Variants in JCAD observed in about 807,000 individuals in gnomAD.
JCAD encodes the protein junctional cadherin 5-associated protein.
Under a neutral mutation model 98.0 loss-of-function variants are expected in JCAD, and 40 were observed. That is an observed-to-expected ratio of 0.41 (90% CI 0.32 to 0.53). JCAD has a LOEUF of 0.53. JCAD is among the 20% of genes least tolerant of loss of function. The pLI, the probability that JCAD is intolerant of heterozygous loss-of-function variation, is 0.31. For synonymous variants in JCAD, 691 were observed against 682.3 expected (o/e 1.01, Z -0.20); for missense variants, 1,705 against 1,738.1 (o/e 0.98, Z 0.34).
At chr10:30,048,903 A>C (rs1837411989) in intron 1 of JCAD, among the ~76,000 whole-genome samples, 1 of 152,124 alleles carries the variant, frequency 6.6e-6, no homozygotes, top group African/African-American at 2.4e-5. Flanking sequence ...ATTTCTTCCC[A>C]GTAGATCTTG....
At chr10:30,104,608 C>T (rs1838534987) in intron 1 of JCAD, among the ~76,000 whole-genome samples, 1 of 152,168 alleles carries the variant, frequency 6.6e-6, no homozygotes, top group Non-Finnish European at 1.5e-5. Context: ...TGAACAGCTA[C>T]CTGTTGGGTA....
Position 30,077,929 on chromosome 10 carries a change from G to T in JCAD, n.129-8108C>A, listed in dbSNP as rs1838008248. ...TTCAGTTCTTTGGGCTATATACCTA[G>T]AAGTAGAATGGCTGGATCATATGCC... is the stretch of plus-strand genomic sequence containing the variant. On this transcript the variant is annotated intron_variant and non_coding_transcript_variant, in intron 1 of 2. Transcript: ENST00000465712. Among the ~76,000 whole-genome samples the T allele has an allele frequency of 2.0e-5, 3 of 152,192 alleles. No individual in the cohort carries two copies. The South Asian group carries it at 6.2e-4, about 32-fold the overall frequency.
chr10:30,069,201 G>A (rs543509424), intron 2 of JCAD, among the ~76,000 whole-genome samples: 35 of 152,174 alleles, frequency 2.3e-4, no homozygotes, highest in Non-Finnish European at 3.7e-4. Flanking sequence ...GGAAATGGTC[G>A]CTTCGGCTCA....
chr10:30,074,187 C>T (rs767735540), intron 1 of JCAD, among the ~76,000 whole-genome samples: 2 of 152,116 alleles, frequency 1.3e-5, no homozygotes, highest in Non-Finnish European at 2.9e-5. Flanking sequence ...TACATCTCCT[C>T]CATTGGATAT....
rs564872492 is a variant in JCAD at position 30,076,317 on chromosome 10, G to A, written n.129-6496C>T. Among the ~76,000 whole-genome samples the A allele has an allele frequency of 4.6e-5, 7 of 152,178 alleles. No homozygotes were observed. The East Asian group carries it at 5.8e-4, about 13-fold the overall frequency. On this transcript the variant is annotated intron_variant and non_coding_transcript_variant, in intron 1 of 2. Coordinates refer to the JCAD transcript ENST00000465712. ...GCTGGGATTACAGGTGTGAGCCACC[G>A]TGCCCAGCCAACAGGGACTTTTTGA...
Position 30,026,696 on chromosome 10 carries a change from C to T in JCAD, c.3452G>A (p.Cys1151Tyr). 1 of 1,613,836 alleles carries T rather than the reference C, an allele frequency of 6.2e-7. No homozygotes were observed. Among genetic ancestry groups the T allele is most frequent in the Non-Finnish European group, 8.5e-7 (1 of 1,180,026 alleles). Reference protein sequence around the residue: ...STDAFYGRRKCGWTKSPLFVG... With the variant: ...STDAFYGRRKYGWTKSPLFVG... ...AAAGAGAGGGCTCTTGGTCCAGCCG[C>T]ACTTCCTCCTGCCATAAAAGGCATC... The change falls in exon 3 of 4, where the codon TGC becomes TAC. Residue 1151 changes from cysteine to tyrosine, a missense_variant. Physicochemically the swap from Cys to Tyr is radical, Grantham distance 194 (BLOSUM62 -2). Coordinates refer to ENST00000375377, the MANE Select transcript of JCAD (RefSeq NM_020848.4).
At chr10:30,082,938 G>A (rs1351471495) in intron 1 of JCAD, among the ~76,000 whole-genome samples, 1 of 151,290 alleles carries the variant, frequency 6.6e-6, no homozygotes, top group Non-Finnish European at 1.5e-5. Context: ...GGAGGCCAAG[G>A]CAGGAGAATC....
chr10:30,034,327 T>C (rs1355255246), intron 2 of JCAD, among the ~76,000 whole-genome samples: 1 of 152,164 alleles, frequency 6.6e-6, no homozygotes, highest in Non-Finnish European at 1.5e-5. Flanking sequence ...AGCTTAGTTA[T>C]GGGCTGGAAA....
chr10:30,111,844 T>C (rs533213590), intron 1 of JCAD, among the ~76,000 whole-genome samples: 1 of 152,296 alleles, frequency 6.6e-6, no homozygotes, highest in Admixed American at 6.5e-5. Context: ...AATTGGAACC[T>C]TCCTACAGTG....
chr10:30,035,411 A>G (rs1297647789), intron 2 of JCAD, among the ~76,000 whole-genome samples: 1 of 152,262 alleles, frequency 6.6e-6, no homozygotes, highest in East Asian at 1.9e-4. Flanking sequence ...CGCAGTCCAC[A>G]TGACATAGAA....
At position 30,027,577 on chromosome 10, in the gene JCAD, G is replaced by GCTA; in HGVS notation, c.2570_2571insTAG (p.Ser859dup). The GCTA allele has an allele frequency of 6.2e-7, 1 of 1,611,834 alleles. No homozygotes were observed. On this transcript the variant is annotated inframe_insertion, in exon 3 of 4. Transcript: ENST00000375377. ...GCTCCGCCTCACTCTCCTCACTGCTGCTGCTGCTGCTGCTGCTGCTACTGC... is the reference window on the plus strand; with the variant it reads ...GCTCCGCCTCACTCTCCTCACTGCTGCTACTGCTGCTGCTGCTGCTGCTACTGC...
chr10:30,027,372 G>A lies in JCAD; in HGVS notation c.2776C>T (p.Arg926Cys), dbSNP rs763183776. 5.0e-6 allele frequency: 8 copies of A among 1,609,452 alleles called. No homozygotes were observed. Among genetic ancestry groups the A allele is most frequent in the Admixed American group, 1.7e-5 (1 of 60,030 alleles). ...CGGCCCGGGGATGGAGGCCAGGCAC[G>A]TGGGTGGCCAGGCTGCAGCTCCTCA... Reference protein sequence around the residue: ...WSEELQPGHPRAWPPSPGRFR... With the variant: ...WSEELQPGHPCAWPPSPGRFR... Residue 926 changes from arginine to cysteine, a missense_variant, in exon 3 of 4, where the codon CGT becomes TGT. Around this residue, in one of 3 missense-constraint regions of JCAD, gnomAD observed 1,278 missense variants for 1,243.1 expected, o/e 1.03. Transcript: ENST00000375377.
At position 30,030,879 on chromosome 10, in the gene JCAD, A is replaced by G. The variant is rs568079564; in HGVS notation, c.282-1013T>C. ...AGTATCCTAGACACATTACATTACA[A>G]TCTTAAGACGTGTGGGTGGTAAATG... On this transcript the variant is annotated intron_variant, in intron 2 of 3. Coordinates refer to ENST00000375377, the MANE Select transcript of JCAD (RefSeq NM_020848.4). Among the ~76,000 whole-genome samples, 3 of 151,238 alleles carry G rather than the reference A, an allele frequency of 2.0e-5. No homozygotes were observed. In the East Asian group the frequency reaches 5.8e-4, roughly 29 times the overall value.
At chr10:30,098,392 A>G (rs941032220) in intron 1 of JCAD, among the ~76,000 whole-genome samples, 12 of 152,086 alleles carry the variant, frequency 7.9e-5, no homozygotes, top group Non-Finnish European at 4.4e-5. Flanking sequence ...GGCCCCCTGA[A>G]TCCCCAACCC....
intron 1 of JCAD, among the ~76,000 whole-genome samples, chr10:30,075,751 G>A (rs1837969341): frequency 1.3e-5 from 2 of 152,200 alleles, no homozygotes. Flanking sequence ...TGAGCAGGAA[G>A]GGGAAAAATG....
chr10:30,108,299 C>T (rs11007903), intron 1 of JCAD, among the ~76,000 whole-genome samples: 37,749 of 148,934 alleles, frequency 0.25, 5,163 homozygotes, highest in East Asian at 0.34. Context: ...GTGACAAGAG[C>T]GAAACTCCAT....
At chr10:30,058,257 A>C (rs1192055127) in intron 1 of JCAD, among the ~76,000 whole-genome samples, 4 of 152,230 alleles carry the variant, frequency 2.6e-5, no homozygotes, top group Non-Finnish European at 4.4e-5. Context: ...TCAGGACAGG[A>C]AACCCTGGGA....
chr10:30,108,910 T>C (rs12220219), intron 1 of JCAD, among the ~76,000 whole-genome samples: 32,875 of 151,890 alleles, frequency 0.22, 4,509 homozygotes, highest in East Asian at 0.31. Context: ...TTTGTAAGTA[T>C]GTTGCACAGT....
At chr10:30,070,137 T>C (rs111805743) in intron 1 of JCAD, among the ~76,000 whole-genome samples, 59 of 152,190 alleles carry the variant, frequency 3.9e-4, no homozygotes, top group Middle Eastern at 3.4e-3. Context: ...AGGCCACCCA[T>C]AAACATGAAA....
Sources: allele counts gnomAD v4.1 joint callset (sites outside exome capture counted in the v4.1 genomes callset), GRCh38; gene constraint gnomAD v4.1.1; regional missense constraint gnomAD v4.1.1; transcripts MANE v1.5; gene names NCBI Gene and HGNC (gene_info 2026-07-23, HGNC 2026-07-21).